The following PHF24 variants were observed in gnomAD, a reference collection of about 807,000 sequenced individuals.
PHF24 encodes PHD finger protein 24, also known as Galpha inhibitory interacting protein.
Under a neutral mutation model 42.6 loss-of-function variants are expected in PHF24, and 25 were observed. The ratio of observed to expected loss-of-function variants is 0.59; its 90% CI spans 0.43 to 0.82. PHF24 has a LOEUF of 0.82. Ranked by LOEUF, PHF24 falls within the 40% of genes least tolerant of loss-of-function variation. The pLI is 0.00. For synonymous variants in PHF24, 185 were observed against 204.8 expected, an observed-to-expected ratio of 0.90 and a Z score of 0.83; for missense variants, 470 against 538.1, an observed-to-expected ratio of 0.87 and a Z score of 1.25.
the PHF24 span, among the ~76,000 whole-genome samples, chr9:34,702,507 T>C: frequency 1.6e-4 from 25 of 152,254 alleles, no homozygotes; most frequent in Admixed American, 4.6e-4. Flanking sequence ...ACAGACTTTC[T>C]CTGGGGTGTT....
At chr9:34,775,275 T>A in the PHF24 span, among the ~76,000 whole-genome samples, 2 of 152,066 alleles carry the variant, frequency 1.3e-5, no homozygotes, top group Non-Finnish European at 2.9e-5. Context: ...TTATACTAAG[T>A]GATATAAGGA....
At chr9:34,823,974 C>T in the PHF24 span, among the ~76,000 whole-genome samples, 1 of 152,304 alleles carries the variant, frequency 6.6e-6, no homozygotes, top group East Asian at 1.9e-4. Flanking sequence ...GGCACCTGGG[C>T]CAGTTCTGGA....
At chr9:34,846,264 T>A in the PHF24 span, among the ~76,000 whole-genome samples, 1 of 152,106 alleles carries the variant, frequency 6.6e-6, no homozygotes, top group Admixed American at 6.6e-5. Flanking sequence ...AGCACCTGTT[T>A]TTCCCGACTT....
chr9:34,958,322 G>A (rs1291466996), upstream of PHF24: 1 of 151,218 alleles, frequency 6.6e-6, no homozygotes, highest in African/African-American at 2.4e-5. This position sits in a 1 kb window ranked among gnomAD's most constrained non-coding sequence, Gnocchi z 4.5. Flanking sequence ...GCCGGCTCTC[G>A]GGCTGCCGTG....
At chr9:34,833,089 T>A in the PHF24 span, 1 of 1,551,232 alleles carries the variant, frequency 6.4e-7, no homozygotes, top group Non-Finnish European at 8.7e-7. Context: ...CTTCTCTGGT[T>A]GAGGAGCGCC....
chr9:34,875,948 ACACT>A, the PHF24 span, among the ~76,000 whole-genome samples: 52 of 79,912 alleles, frequency 6.5e-4, no homozygotes, highest in East Asian at 1.5e-3. Context: ...ACACACACAC[ACACT>A]CTCTCTCTCT....
At chr9:34,814,742 A>T in the PHF24 span, among the ~76,000 whole-genome samples, 1 of 152,188 alleles carries the variant, frequency 6.6e-6, no homozygotes, top group African/African-American at 2.4e-5. Flanking sequence ...CAGATCCTGT[A>T]CAATTCTTTT....
the PHF24 span, among the ~76,000 whole-genome samples, chr9:34,809,704 C>T: frequency 6.6e-6 from 1 of 152,210 alleles, no homozygotes; most frequent in Non-Finnish European, 1.5e-5. This position sits in a 1 kb window ranked among gnomAD's most constrained non-coding sequence, Gnocchi z 4.1. Flanking sequence ...AGGAGCGGAA[C>T]AAAGTGTTAG....
the PHF24 span, among the ~76,000 whole-genome samples, chr9:34,899,402 T>G: frequency 5.3e-5 from 8 of 152,222 alleles, no homozygotes; most frequent in Non-Finnish European, 1.2e-4. Flanking sequence ...ATGAGTCCTA[T>G]CGCCTTGTAA....
the PHF24 span, among the ~76,000 whole-genome samples, chr9:34,789,783 C>T: frequency 6.6e-6 from 1 of 152,202 alleles, no homozygotes; most frequent in African/African-American, 2.4e-5. Flanking sequence ...TAGGCATATG[C>T]GTGCCATAGT....
At chr9:34,740,039 G>T in the PHF24 span, among the ~76,000 whole-genome samples, 1 of 152,192 alleles carries the variant, frequency 6.6e-6, no homozygotes, top group African/African-American at 2.4e-5. Context: ...CCCTGAGCTA[G>T]ACACAGGGTG....
At chr9:34,889,508 C>A in the PHF24 span, 1 of 398,582 alleles carries the variant, frequency 2.5e-6, no homozygotes. Flanking sequence ...TGTTTTTTGT[C>A]CTGTCTTGGG....
intron 3 of PHF24, among the ~76,000 whole-genome samples, chr9:34,972,900 G>A (rs542249717): frequency 2.1e-4 from 29 of 136,288 alleles, no homozygotes; most frequent in South Asian, 4.7e-4. Flanking sequence ...GCGACAGAGC[G>A]AGACTCTGTC....
At chr9:34,957,480 A>G (rs1041840875), upstream of PHF24, 2 of 152,228 alleles carry the variant, frequency 1.3e-5, no homozygotes, top group African/African-American at 4.8e-5. Context: ...TGCACATTAT[A>G]GCCCTCAGAA....
the PHF24 span, among the ~76,000 whole-genome samples, chr9:34,941,666 G>T: frequency 6.6e-6 from 1 of 152,218 alleles, no homozygotes; most frequent in Non-Finnish European, 1.5e-5. Context: ...GGCAGATTCA[G>T]TGTCTGGTGA....
chr9:34,922,671 C>T, the PHF24 span: 1 of 1,270,564 alleles, frequency 7.9e-7, no homozygotes, highest in Admixed American at 1.7e-5. Context: ...TCAGTTTTCT[C>T]TCTGTATTCT....
At chr9:34,689,144 C>T in the PHF24 span, among the ~76,000 whole-genome samples, 48 of 152,150 alleles carry the variant, frequency 3.2e-4, no homozygotes, top group Non-Finnish European at 8.8e-5. This position sits in a 1 kb window ranked among gnomAD's most constrained non-coding sequence, Gnocchi z 4.1. Flanking sequence ...CTTTGCCCCA[C>T]TCCACCTCCC....
the PHF24 span, among the ~76,000 whole-genome samples, chr9:34,884,111 G>A: frequency 2.6e-5 from 4 of 152,062 alleles, no homozygotes; most frequent in Admixed American, 6.6e-5. Flanking sequence ...AAACTATCAC[G>A]AGGACAGAAA....
chr9:34,870,850 C>G, the PHF24 span, among the ~76,000 whole-genome samples: 1 of 152,164 alleles, frequency 6.6e-6, no homozygotes, highest in Non-Finnish European at 1.5e-5. Context: ...GTTTATTCAT[C>G]TATAGAAAGA....
Sources: gnomAD v4.1 joint callset for allele counts (sites outside exome capture counted in the v4.1 genomes callset) on GRCh38, gnomAD v4.1.1 for gene constraint, Gnocchi (gnomAD v3.1) non-coding constraint, MANE v1.5 for transcripts, NCBI Gene and HGNC (gene_info 2026-07-23, HGNC 2026-07-21) for gene names.